LARP7: variants seen among roughly 807,000 people sequenced by gnomAD.
LARP7 encodes the protein La ribonucleoprotein 7, transcriptional regulator, also known as la-related protein 7.
Under a neutral mutation model 69.3 loss-of-function variants are expected in LARP7, and 52 were observed. The observed-to-expected ratio is 0.75, with a 90% CI of 0.60 to 0.95. LARP7 has a LOEUF of 0.95. Ranked by LOEUF, LARP7 falls within the 40% of genes least tolerant of loss-of-function variation. LARP7 has a pLI of 0.00. For missense variants in LARP7, 733 were observed against 673.0 expected (o/e 1.09, Z -0.99); for synonymous variants, 254 against 215.9 (o/e 1.18, Z -1.55).
chr4:112,646,123 G>A (rs1047993001), intron 2 of LARP7, among the ~76,000 whole-genome samples: 7 of 151,712 alleles, frequency 4.6e-5, no homozygotes, highest in African/African-American at 1.7e-4. Context: ...GATTACAGGC[G>A]TGCACCACTA....
At chr4:112,653,283 T>G (rs762455479) in intron 11 of LARP7, 47 bp downstream of exon 11, 1 of 1,451,834 alleles carries the variant, frequency 6.9e-7, no homozygotes, top group Non-Finnish European at 9.2e-7. Flanking sequence ...TCATCCTTAT[T>G]GTGAGTAATA....
At chr4:112,653,825 G>A (rs896464896) in intron 11 of LARP7, among the ~76,000 whole-genome samples, 48 of 152,078 alleles carry the variant, frequency 3.2e-4, no homozygotes, top group African/African-American at 9.4e-4. Flanking sequence ...GCTTTGCCTT[G>A]TTGGCCAGGC....
intron 2 of LARP7, among the ~76,000 whole-genome samples, chr4:112,646,034 G>C (rs1386826539): frequency 6.6e-6 from 1 of 151,638 alleles, no homozygotes; most frequent in Admixed American, 6.6e-5. Context: ...CTTTCTCCCA[G>C]GCTGGAGTGA....
Position 112,646,568 on chromosome 4 carries a change from T to C in LARP7, c.304-20T>C, listed in dbSNP as rs1198356897. 2.1e-6 allele frequency: 3 copies of C among 1,419,062 alleles called. No individual in the cohort carries two copies. Among genetic ancestry groups the C allele is most frequent in the East Asian group, 2.5e-5 (1 of 39,792 alleles). The allele number at this position is 1,419,062 out of a possible 1,614,324, so 87.9% of individuals were successfully genotyped here. A position where few individuals can be genotyped will look rare whatever the true frequency, so the allele number is the denominator to read the frequency against. On this transcript the variant is annotated intron_variant, in intron 3 of 12. Coordinates refer to ENST00000344442, the MANE Select transcript of LARP7 (RefSeq NM_016648.4). ...TTATAAATAATATTAGTTTTATTAA[T>C]GTAATATACTATTTTAAAGCTTGAT...
intron 8 of LARP7, among the ~76,000 whole-genome samples, chr4:112,648,931 A>G (rs957139851): frequency 3.3e-5 from 5 of 151,224 alleles, no homozygotes; most frequent in Admixed American, 1.3e-4. Context: ...TCTTAAAAAA[A>G]AAAAAGAAAA....
chr4:112,645,634 A>G (rs1251221893), intron 2 of LARP7: 1 of 380,418 alleles, frequency 2.6e-6, no homozygotes, highest in South Asian at 1.6e-5. Context: ...GCGATCCTCC[A>G]TCAGCCTCCC....
chr4:112,644,065 A>AC (rs1238512127), intron 1 of LARP7, among the ~76,000 whole-genome samples: 1 of 151,128 alleles, frequency 6.6e-6, no homozygotes, highest in African/African-American at 2.4e-5. Flanking sequence ...ACATGGTGAA[A>AC]CCCCGTCTCC....
At chr4:112,642,908 C>T (rs1258495252) in intron 1 of LARP7, among the ~76,000 whole-genome samples, 1 of 152,232 alleles carries the variant, frequency 6.6e-6, no homozygotes, top group African/African-American at 2.4e-5. Flanking sequence ...ACAGATACAA[C>T]ACCCCCATTA....
intron 1 of LARP7, 115 bp downstream of exon 1, chr4:112,637,354 G>C (rs1417451519): frequency 6.6e-6 from 1 of 152,224 alleles, no homozygotes; most frequent in African/African-American, 2.4e-5. Flanking sequence ...CCGCCCCCCC[G>C]TCCTGCACAC....
intron 9 of LARP7, chr4:112,649,922 T>C (rs972744258): frequency 4.2e-5 from 12 of 283,072 alleles, no homozygotes; most frequent in Non-Finnish European, 7.9e-5. Flanking sequence ...TCTACAGTTT[T>C]CATCAAGCAC....
In LARP7 at chr4:112,646,809, GTT is replaced by G; in HGVS notation, c.407_408del (p.Val136GlufsTer6). On this transcript the variant is annotated frameshift_variant, in exon 5 of 13. Transcript: ENST00000344442. LOFTEE classifies it high-confidence loss of function. The stretch of plus-strand genomic sequence containing the variant: ...ATAATAGGAGTTACTTCCCAAAAAT[GTT>G]AATCACAGCTGGATTGAAAGAGTAT... ...TVYVELLPKN[V>X]NHSWIERVFG... 2 of 1,589,144 alleles carry G rather than the reference GTT, an allele frequency of 1.3e-6. No homozygotes were observed. The highest frequency in any genetic ancestry group is 1.7e-6 in the Non-Finnish European group (2 of 1,173,246).
Position 112,648,584 on chromosome 4 carries a change from T to G in LARP7, c.1142+750T>G, listed in dbSNP as rs545458617. The G allele has an allele frequency of 2.9e-4, 146 of 503,520 alleles. 1 individual carries two copies. Among genetic ancestry groups the G allele is most frequent in the South Asian group, 1.9e-3 (131 of 68,718 alleles). 31.2% of individuals were successfully genotyped at this position (503,520 alleles called of 1,614,324 possible). On this transcript the variant is annotated intron_variant, in intron 8 of 12. Transcript: ENST00000344442. ...CACCCAACATACAACTTCTTTGGAC[T>G]TCAGAGTATTTAGAGCTGAGGAGAA...
intron 1 of LARP7, among the ~76,000 whole-genome samples, chr4:112,638,632 C>T (rs1030672501): frequency 6.6e-6 from 1 of 152,154 alleles, no homozygotes; most frequent in Non-Finnish European, 1.5e-5. Flanking sequence ...GCACCACATA[C>T]CGACAGACCG....
chr4:112,653,126 G>A lies in LARP7; in HGVS notation c.1466G>A (p.Gly489Glu). 1 of 1,609,144 alleles carries A rather than the reference G, an allele frequency of 6.2e-7. No homozygotes were observed. Among genetic ancestry groups the A allele is most frequent in the African/African-American group, 1.3e-5 (1 of 74,684 alleles). ...GTTCTTTATGTTGATTTGCTAGAAG[G>A]GGATACAGAATGCCATGCTAGATTT... Reference protein sequence around the residue: ...SEVLYVDLLEGDTECHARFKT... With the variant: ...SEVLYVDLLEEDTECHARFKT... Residue 489 changes from glycine (G) to glutamate (E), a missense_variant, in exon 11 of 13, where the codon GGG (glycine) becomes GAG (glutamate). Coordinates refer to ENST00000344442, the MANE Select transcript of LARP7 (RefSeq NM_016648.4).
At chr4:112,649,928 A>G in intron 9 of LARP7, 1 of 276,924 alleles carries the variant, frequency 3.6e-6, no homozygotes. Context: ...GTTTTCATCA[A>G]GCACATGAGT....
chr4:112,654,296 A>C (rs1490590355), intron 12 of LARP7, 137 bp downstream of exon 12: 9 of 533,392 alleles, frequency 1.7e-5, no homozygotes, highest in Non-Finnish European at 3.0e-5. Context: ...ACTATGTTTT[A>C]GGTTGGGAGG....
chr4:112,645,536 ATCTT>A (rs1560925034), intron 2 of LARP7: 2 of 456,122 alleles, frequency 4.4e-6, no homozygotes, highest in South Asian at 3.1e-5. Flanking sequence ...GGCAAGGTCT[ATCTT>A]TTTTCCCTAG....
At chr4:112,656,138 C>T (rs1440898248) in intron 12 of LARP7, among the ~76,000 whole-genome samples, 2 of 152,176 alleles carry the variant, frequency 1.3e-5, no homozygotes, top group Non-Finnish European at 2.9e-5. Flanking sequence ...GGCACGGTGG[C>T]TCATGCCTAT....
At chr4:112,649,762 A>G in intron 9 of LARP7, 76 bp downstream of exon 9, 1 of 955,338 alleles carries the variant, frequency 1.0e-6, no homozygotes, top group Non-Finnish European at 1.4e-6. Context: ...TTGTTATAAG[A>G]TAAATTTTAA....
Sources: allele counts gnomAD v4.1 joint callset (sites outside exome capture counted in the v4.1 genomes callset), GRCh38; gene constraint gnomAD v4.1.1; transcripts MANE v1.5; gene names NCBI Gene and HGNC (gene_info 2026-07-23, HGNC 2026-07-21).